Variants in INPP4B observed in about 807,000 individuals in gnomAD.
INPP4B encodes the protein inositol polyphosphate 4-phosphatase type II.
Under a neutral mutation model 122.5 loss-of-function variants are expected in INPP4B, and 55 were observed. The ratio of observed to expected loss-of-function variants is 0.45; its 90% CI spans 0.36 to 0.56. INPP4B has a LOEUF of 0.56. Among genes scored for constraint, INPP4B ranks in the 20% least tolerant of loss-of-function variants. INPP4B has a pLI of 0.00. For synonymous variants in INPP4B, 403 were observed against 388.7 expected (o/e 1.04, Z -0.43); for missense variants, 1,000 against 1,097.7 (o/e 0.91, Z 1.26).
At chr4:142,030,076 AT>A in intron 25 of INPP4B, 1 of 1,456,834 alleles carries the variant, frequency 6.9e-7, no homozygotes, top group Non-Finnish European at 9.1e-7. Flanking sequence ...TGTCCCCATA[AT>A]TTAAAGTTCA....
At position 142,208,431 on chromosome 4, in the gene INPP4B, A is replaced by C. The variant is rs1843456366; in HGVS notation, c.1066T>G (p.Leu356Val). 4.5e-6 allele frequency: 7 copies of C among 1,538,626 alleles called. No individual in the cohort carries two copies. The highest frequency in any genetic ancestry group is 6.2e-6 in the Non-Finnish European group (7 of 1,124,754). Residue 356 changes from leucine (L) to valine (V), a missense_variant, in exon 14 of 26, where the codon TTG (leucine) becomes GTG (valine). By Grantham distance (32) the Leu-to-Val change is conservative (BLOSUM62 1). Coordinates refer to ENST00000262992, the MANE Select transcript of INPP4B (RefSeq NM_001101669.3). The stretch of plus-strand genomic sequence containing the variant: ...AAAGAATAATTTATGATACCTTTCA[A>C]GTGAGGGCTGTGTACCTGCATTCTT... ...LQRMQVHSPH[L>V]KDALYDVITV... is the part of the protein sequence containing the mutation.
chr4:142,673,685 G>A (rs1335090356), intron 2 of INPP4B, among the ~76,000 whole-genome samples: 1 of 152,128 alleles, frequency 6.6e-6, no homozygotes, highest in African/African-American at 2.4e-5. Context: ...TAGAGTGAGT[G>A]TAAACCAGAA....
intron 12 of INPP4B, among the ~76,000 whole-genome samples, chr4:142,215,397 A>G (rs1205138206): frequency 2.0e-5 from 3 of 152,260 alleles, no homozygotes; most frequent in Non-Finnish European, 2.9e-5. Flanking sequence ...GTTGATTTAC[A>G]GAATTACATT....
intron 2 of INPP4B, among the ~76,000 whole-genome samples, chr4:142,553,068 T>G (rs1277168984): frequency 6.6e-6 from 1 of 152,192 alleles, no homozygotes; most frequent in Non-Finnish European, 1.5e-5. Flanking sequence ...TTATCTTCCC[T>G]TGGTTTTTAA....
At chr4:142,616,691 G>C (rs746155204) in intron 2 of INPP4B, among the ~76,000 whole-genome samples, 7 of 152,058 alleles carry the variant, frequency 4.6e-5, no homozygotes, top group Non-Finnish European at 8.8e-5. Flanking sequence ...ATCAACCTAA[G>C]TGTCCATTGA....
chr4:142,109,572 C>G (rs1578930270), intron 22 of INPP4B, among the ~76,000 whole-genome samples: 2 of 152,150 alleles, frequency 1.3e-5, no homozygotes, highest in East Asian at 3.9e-4. Flanking sequence ...GCCTTTGGGA[C>G]TTTTAACATT....
intron 1 of INPP4B, among the ~76,000 whole-genome samples, chr4:142,731,274 T>C (rs1766048402): frequency 6.6e-6 from 1 of 152,310 alleles, no homozygotes; most frequent in African/African-American, 2.4e-5. Flanking sequence ...TATGACATTA[T>C]GTAACAAGGA....
intron 2 of INPP4B, among the ~76,000 whole-genome samples, chr4:142,666,224 T>C (rs1306647753): frequency 6.6e-6 from 1 of 152,178 alleles, no homozygotes; most frequent in Non-Finnish European, 1.5e-5. Flanking sequence ...TTTTGTGTAA[T>C]TGATCCATAA....
At chr4:142,382,434 A>C (rs1479278898) in intron 7 of INPP4B, among the ~76,000 whole-genome samples, 1 of 151,524 alleles carries the variant, frequency 6.6e-6, no homozygotes. Context: ...ACTTGAACCG[A>C]GGAGGTGGAT....
chr4:142,024,171 C>A lies in INPP4B; in HGVS notation c.*4611G>T, dbSNP rs762825305. 6.6e-6 allele frequency: 1 copy of A among 151,948 alleles called. No individual in the cohort carries two copies. The highest frequency in any genetic ancestry group is 1.5e-5 in the Non-Finnish European group (1 of 67,984). 9.4% of individuals were successfully genotyped at this position (151,948 alleles called of 1,614,324 possible). On this transcript the variant is annotated 3_prime_UTR_variant, in exon 26 of 26. Coordinates refer to ENST00000262992, the MANE Select transcript of INPP4B (RefSeq NM_001101669.3). ...TATCTAAAACATTCATTTTATTTTC[C>A]AATTCTTAAAGATAGTTTTTGCTAT...
chr4:142,410,725 A>G (rs533062183), intron 5 of INPP4B, among the ~76,000 whole-genome samples: 2 of 152,334 alleles, frequency 1.3e-5, no homozygotes, highest in Admixed American at 1.3e-4. Context: ...TGGAAGTAAA[A>G]GAATGTACTT....
intron 1 of INPP4B, among the ~76,000 whole-genome samples, chr4:142,838,533 G>A (rs577233859): frequency 8.6e-5 from 13 of 151,714 alleles, no homozygotes; most frequent in South Asian, 2.1e-4. Flanking sequence ...AAAACATACC[G>A]TATGAAAAAA....
intron 7 of INPP4B, among the ~76,000 whole-genome samples, chr4:142,350,018 G>A (rs774555402): frequency 1.7e-4 from 26 of 151,850 alleles, no homozygotes; most frequent in Non-Finnish European, 3.2e-4. Context: ...AAATAGTCTT[G>A]CTTTAGGACA....
At chr4:142,655,048 A>C (rs1367611215) in intron 2 of INPP4B, among the ~76,000 whole-genome samples, 3 of 152,218 alleles carry the variant, frequency 2.0e-5, no homozygotes, top group East Asian at 1.9e-4. Flanking sequence ...TCACAGCAAC[A>C]GTAAGATAAA....
At chr4:142,481,409 C>A (rs957439824) in intron 2 of INPP4B, among the ~76,000 whole-genome samples, 1 of 152,150 alleles carries the variant, frequency 6.6e-6, no homozygotes, top group Non-Finnish European at 1.5e-5. Flanking sequence ...ACTAAAAGCA[C>A]CTAACTCTAT....
intron 2 of INPP4B, among the ~76,000 whole-genome samples, chr4:142,521,876 A>T (rs992893378): frequency 1.3e-5 from 2 of 152,132 alleles, no homozygotes; most frequent in Non-Finnish European, 2.9e-5. Flanking sequence ...GCTTTAACTG[A>T]GAAATTGTAT....
chr4:142,291,897 A>G (rs1294299494), intron 9 of INPP4B, among the ~76,000 whole-genome samples: 1 of 152,246 alleles, frequency 6.6e-6, no homozygotes, highest in Non-Finnish European at 1.5e-5. Flanking sequence ...TAAAGGCATT[A>G]CAAAGACAAT....
intron 15 of INPP4B, among the ~76,000 whole-genome samples, chr4:142,181,565 A>G (rs1009023624): frequency 6.6e-6 from 1 of 152,158 alleles, no homozygotes; most frequent in Admixed American, 6.5e-5. Context: ...CATACCTCAT[A>G]ATCCACCGAA....
rs1449633482 is a variant in INPP4B, at chr4:142,173,741, ATGT to A, written c.1247_1249del (p.Asn416del). ...TGCTATAAGAGGTTGTAGTTGATTG[ATGT>A]TGCTGAGAACTTCCTTTGCTTTGGC... On this transcript the variant is annotated inframe_deletion, in exon 16 of 26. Coordinates refer to ENST00000262992, the MANE Select transcript of INPP4B (RefSeq NM_001101669.3). 1 of 1,613,378 alleles carries A rather than the reference ATGT, an allele frequency of 6.2e-7. No homozygotes were observed. Among genetic ancestry groups the A allele is most frequent in the East Asian group, 2.2e-5 (1 of 44,850 alleles).
Sources: gnomAD v4.1 joint callset for allele counts (sites outside exome capture counted in the v4.1 genomes callset) on GRCh38, gnomAD v4.1.1 for gene constraint, MANE v1.5 for transcripts, NCBI Gene and HGNC (gene_info 2026-07-23, HGNC 2026-07-21) for gene names.